PIP4K2A: variants seen among roughly 807,000 people sequenced by gnomAD.
PIP4K2A encodes the protein phosphatidylinositol 5-phosphate 4-kinase type-2 alpha.
A neutral mutation model predicts 42.9 loss-of-function variants in PIP4K2A; 14 were observed. That is an observed-to-expected ratio of 0.33 (90% CI 0.22 to 0.51). The LOEUF (loss-of-function observed/expected upper bound fraction) is 0.51. Ranked by LOEUF, PIP4K2A falls within the 20% of genes least tolerant of loss-of-function variation. PIP4K2A has a pLI of 0.97. For synonymous variants in PIP4K2A, 192 were observed against 192.2 expected, an observed-to-expected ratio of 1.00 and a Z score of 0.01; for missense variants, 434 against 519.8, an observed-to-expected ratio of 0.83 and a Z score of 1.61.
chr10:22,631,125 A>T (rs898625551), intron 1 of PIP4K2A, among the ~76,000 whole-genome samples: 2 of 152,234 alleles, frequency 1.3e-5, no homozygotes, highest in African/African-American at 4.8e-5. Flanking sequence ...TTGATGGTCA[A>T]TACAGAGTTT....
At chr10:22,545,612 A>G (rs1836241609) in intron 7 of PIP4K2A, among the ~76,000 whole-genome samples, 1 of 152,220 alleles carries the variant, frequency 6.6e-6, no homozygotes, top group South Asian at 2.1e-4. Context: ...CCCAAAAACC[A>G]TCAGCATGAT....
Position 22,625,106 on chromosome 10 carries a change from T to C in PIP4K2A, c.145-15389A>G, listed in dbSNP as rs575740510. Among the ~76,000 whole-genome samples, 331 of 152,340 alleles carry C rather than the reference T, an allele frequency of 2.2e-3. 1 individual carries two copies. The highest frequency in any genetic ancestry group is 7.8e-3 in the African/African-American group (325 of 41,576). ...TGTTGAGAAAAGGAGCATAATAATT[T>C]CGTATGATTTAGTAAAAATGGCCAG... is the stretch of plus-strand genomic sequence containing the variant. On this transcript the variant is annotated intron_variant, in intron 1 of 9. Transcript: ENST00000376573.
chr10:22,712,078 T>C lies in PIP4K2A; in HGVS notation c.144+2105A>G, dbSNP rs189875868. Among the ~76,000 whole-genome samples, 204 of 152,342 alleles carry C rather than the reference T, an allele frequency of 1.3e-3. 1 individual carries two copies. Among genetic ancestry groups the C allele is most frequent in the African/African-American group, 4.3e-3 (178 of 41,582 alleles). On this transcript the variant is annotated intron_variant, in intron 1 of 9. Coordinates refer to ENST00000376573, the MANE Select transcript of PIP4K2A (RefSeq NM_005028.5). ...TGAATGAGTAACATGCTTACATTTA[T>C]ATGAAATGGAAACTTCACTCCTCTG...
intron 1 of PIP4K2A, among the ~76,000 whole-genome samples, chr10:22,623,736 A>G (rs1334368340): frequency 6.6e-6 from 1 of 152,204 alleles, no homozygotes; most frequent in Non-Finnish European, 1.5e-5. Flanking sequence ...CAACGCTCAC[A>G]AAACAGGTAA....
At chr10:22,540,556 A>ATGTC (rs1431741163) in intron 8 of PIP4K2A, among the ~76,000 whole-genome samples, 1 of 152,070 alleles carries the variant, frequency 6.6e-6, no homozygotes, top group Admixed American at 6.5e-5. Flanking sequence ...ATCCACTCCA[A>ATGTC]TGTCTATTTT....
At chr10:22,645,158 C>T (rs966889416) in intron 1 of PIP4K2A, among the ~76,000 whole-genome samples, 7 of 152,166 alleles carry the variant, frequency 4.6e-5, no homozygotes, top group African/African-American at 1.7e-4. Flanking sequence ...TGAAGCAACT[C>T]ATTTTGAAAA....
chr10:22,712,241 A>T (rs1263239933), intron 1 of PIP4K2A, among the ~76,000 whole-genome samples: 1 of 152,262 alleles, frequency 6.6e-6, no homozygotes, highest in African/African-American at 2.4e-5. Flanking sequence ...TCTAAAACAA[A>T]TGTAGCAATT....
intron 6 of PIP4K2A, among the ~76,000 whole-genome samples, chr10:22,562,035 T>A (rs745544865): frequency 3.9e-5 from 6 of 152,170 alleles, no homozygotes; most frequent in Non-Finnish European, 8.8e-5. Flanking sequence ...TACCAGTAGA[T>A]TGTTTTGATA....
chr10:22,550,314 T>A (rs1836372314), intron 7 of PIP4K2A, among the ~76,000 whole-genome samples: 1 of 152,196 alleles, frequency 6.6e-6, no homozygotes, highest in Non-Finnish European at 1.5e-5. Flanking sequence ...TGACACAGAG[T>A]CCAGTACTCC....
At chr10:22,656,751 C>T (rs1839108942) in intron 1 of PIP4K2A, among the ~76,000 whole-genome samples, 1 of 149,502 alleles carries the variant, frequency 6.7e-6, no homozygotes, top group Non-Finnish European at 1.5e-5. Flanking sequence ...GAGCCGAGAT[C>T]GTGCCACTGC....
intron 1 of PIP4K2A, among the ~76,000 whole-genome samples, chr10:22,643,115 T>C (rs1390303088): frequency 6.6e-6 from 1 of 152,138 alleles, no homozygotes; most frequent in Non-Finnish European, 1.5e-5. Context: ...GGGGACAGAC[T>C]GAGGACTTGG....
At chr10:22,631,660 T>C (rs1181292766) in intron 1 of PIP4K2A, among the ~76,000 whole-genome samples, 1 of 152,178 alleles carries the variant, frequency 6.6e-6, no homozygotes, top group Non-Finnish European at 1.5e-5. Flanking sequence ...GAGGAAACTC[T>C]TCCTTACAGT....
chr10:22,571,764 C>T (rs1214514297), intron 5 of PIP4K2A, among the ~76,000 whole-genome samples: 1 of 152,144 alleles, frequency 6.6e-6, no homozygotes, highest in African/African-American at 2.4e-5. Context: ...GCTTTAACAA[C>T]TTTCCAAACT....
intron 1 of PIP4K2A, among the ~76,000 whole-genome samples, chr10:22,645,350 A>T (rs1166110448): frequency 6.6e-6 from 1 of 152,138 alleles, no homozygotes; most frequent in Non-Finnish European, 1.5e-5. Context: ...GTTTCAGACC[A>T]GCTTGAGCAA....
chr10:22,700,866 C>A (rs1833700959), intron 1 of PIP4K2A, among the ~76,000 whole-genome samples: 1 of 152,156 alleles, frequency 6.6e-6, no homozygotes, highest in African/African-American at 2.4e-5. Context: ...AATGACCAAG[C>A]CTACAGAAAC....
At chr10:22,611,779 A>T (rs1838047158) in intron 1 of PIP4K2A, among the ~76,000 whole-genome samples, 1 of 152,252 alleles carries the variant, frequency 6.6e-6, no homozygotes, top group South Asian at 2.1e-4. Context: ...AGAAAATCAT[A>T]ATGGAAATCC....
intron 1 of PIP4K2A, among the ~76,000 whole-genome samples, chr10:22,692,028 T>C (rs1839881397): frequency 6.6e-6 from 1 of 152,096 alleles, no homozygotes; most frequent in Admixed American, 6.5e-5. Context: ...CTCAAGACCA[T>C]TACCTTTATT....
chr10:22,536,248 C>T lies in PIP4K2A; in HGVS notation c.*953G>A, dbSNP rs1203177895. 2.5e-6 allele frequency: 1 copy of T among 396,962 alleles called. No individual in the cohort carries two copies. Among genetic ancestry groups the T allele is most frequent in the Non-Finnish European group, 4.4e-6 (1 of 225,472 alleles). 24.6% of individuals were successfully genotyped at this position (396,962 alleles called of 1,614,324 possible). On this transcript the variant is annotated 3_prime_UTR_variant, in exon 10 of 10. Transcript: ENST00000376573. Reference sequence around the variant, plus strand: ...AGTTTTGATGCTTTGCTGGTTTTCCCACAGTGGGAGATGTAGATACCATTG... The same window carrying T: ...AGTTTTGATGCTTTGCTGGTTTTCCTACAGTGGGAGATGTAGATACCATTG...
chr10:22,666,922 C>T (rs1218202886), intron 1 of PIP4K2A, among the ~76,000 whole-genome samples: 2 of 152,184 alleles, frequency 1.3e-5, no homozygotes, highest in Non-Finnish European at 2.9e-5. Flanking sequence ...TTGGCCGATG[C>T]CATTCTATGA....
Sources: gnomAD v4.1 joint callset for allele counts (sites outside exome capture counted in the v4.1 genomes callset) on GRCh38, gnomAD v4.1.1 for gene constraint, MANE v1.5 for transcripts, NCBI Gene and HGNC (gene_info 2026-07-23, HGNC 2026-07-21) for gene names.